CATSPER2: variants seen among roughly 807,000 people sequenced by gnomAD.
CATSPER2 encodes the protein cation channel sperm associated 2.
Under a neutral mutation model 68.8 loss-of-function variants are expected in CATSPER2, and 56 were observed. The ratio of observed to expected loss-of-function variants is 0.81; its 90% CI spans 0.66 to 1.02. The LOEUF (loss-of-function observed/expected upper bound fraction) is 1.02, where lower values mean the gene tolerates loss of function less well. CATSPER2 is among the 50% of genes least tolerant of loss of function. The pLI, the probability that CATSPER2 is intolerant of heterozygous loss-of-function variation, is 0.00. For missense variants in CATSPER2, 582 were observed against 642.0 expected (o/e 0.91, Z 1.01); for synonymous variants, 198 against 229.9 (o/e 0.86, Z 1.26).
chr15:43,636,625 A>T (rs750017601), intron 7 of CATSPER2, among the ~76,000 whole-genome samples: 3 of 151,710 alleles, frequency 2.0e-5, no homozygotes, highest in African/African-American at 7.3e-5. Context: ...TCCTGACCTA[A>T]GGTGATCTGC....
intron 11 of CATSPER2, 161 bp from the exon 12 acceptor site, chr15:43,632,524 A>G (rs2085892929): frequency 1.4e-6 from 2 of 1,417,004 alleles, no homozygotes; most frequent in Admixed American, 1.8e-5. Flanking sequence ...TACAACGAGC[A>G]AAGAGGGCCA....
Position 43,632,256 on chromosome 15 carries a change from A to C in CATSPER2, c.1504T>G (p.Leu502Val). Residue 502 changes from leucine (L) to valine (V), a missense_variant, in exon 12 of 13, where the codon TTG becomes GTG. Coordinates refer to ENST00000396879, the MANE Select transcript of CATSPER2 (RefSeq NM_172095.4). ...PRDSLFRYFE[L>V]LEKLQYNLEE... Reference sequence around the variant, plus strand: ...AGGTTATACTGAAGCTTTTCTAGCAACTCAAAATATCGGAAGAGTGAGTCT... The same window carrying C: ...AGGTTATACTGAAGCTTTTCTAGCACCTCAAAATATCGGAAGAGTGAGTCT... The C allele has an allele frequency of 6.2e-7, 1 of 1,613,672 alleles. No individual in the cohort carries two copies. The highest frequency in any genetic ancestry group is 8.5e-7 in the Non-Finnish European group (1 of 1,179,800).
At chr15:43,636,461 G>C (rs983028294) in intron 7 of CATSPER2, among the ~76,000 whole-genome samples, 1 of 151,748 alleles carries the variant, frequency 6.6e-6, no homozygotes, top group African/African-American at 2.4e-5. Context: ...CGCGATCTAG[G>C]CTCACTGCAA....
chr15:43,642,201 G>C (rs1256235563), intron 4 of CATSPER2, among the ~76,000 whole-genome samples: 4 of 151,562 alleles, frequency 2.6e-5, no homozygotes, highest in African/African-American at 9.7e-5. Flanking sequence ...CTGGGTTCAA[G>C]CGATTCTCCT....
intron 7 of CATSPER2, among the ~76,000 whole-genome samples, chr15:43,636,453 C>T (rs559814764): frequency 2.7e-4 from 41 of 151,804 alleles, no homozygotes; most frequent in African/African-American, 8.7e-4. Context: ...TGCAGTGGCG[C>T]GATCTAGGCT....
chr15:43,636,263 C>T (rs917485391), intron 7 of CATSPER2, 44 bp from the exon 8 acceptor site: 1 of 1,607,240 alleles, frequency 6.2e-7, no homozygotes, highest in Non-Finnish European at 8.5e-7. Flanking sequence ...GAGACCTAAA[C>T]CTTTCAAAAA....
Position 43,647,531 on chromosome 15 carries a change from G to C in CATSPER2, c.146-64C>G. ...AACAAAATAGACCAGGTAGGGTTGG[G>C]GGCAGGGATACTGGTCAGGTAATGG... is the stretch of plus-strand genomic sequence containing the variant. On this transcript the variant is annotated intron_variant, in intron 2 of 12. Coordinates refer to ENST00000396879, the MANE Select transcript of CATSPER2 (RefSeq NM_172095.4). 2.0e-6 allele frequency: 3 copies of C among 1,499,254 alleles called. 1 individual carries two copies. The highest frequency in any genetic ancestry group is 2.3e-5 in the South Asian group (2 of 88,374). The allele number at this position is 1,499,254 out of a possible 1,614,324, so 92.9% of individuals were successfully genotyped here. A position where few individuals can be genotyped will look rare whatever the true frequency, so the allele number is the denominator to read the frequency against.
intron 10 of CATSPER2, 62 bp downstream of exon 10, chr15:43,635,298 T>C: frequency 7.1e-7 from 1 of 1,408,706 alleles, no homozygotes; most frequent in Non-Finnish European, 1.0e-6. Flanking sequence ...ATCTTCATCT[T>C]TAGTTTTCCA....
At chr15:43,640,166 C>T (rs2086047131) in intron 5 of CATSPER2, 158 bp downstream of exon 5, 1 of 1,539,534 alleles carries the variant, frequency 6.5e-7, no homozygotes. Context: ...ACCAACAACT[C>T]CTGCAATGAT....
At chr15:43,639,975 A>C in intron 5 of CATSPER2, 177 bp from the exon 6 acceptor site, 1 of 1,468,788 alleles carries the variant, frequency 6.8e-7, no homozygotes, top group Non-Finnish European at 9.1e-7. Context: ...CTATACTTAA[A>C]CTTGTTCAGA....
intron 1 of CATSPER2, 101 bp downstream of exon 1, chr15:43,648,528 G>C: frequency 1.7e-6 from 2 of 1,178,290 alleles, no homozygotes; most frequent in Non-Finnish European, 2.2e-6. Flanking sequence ...AAATGCCAAA[G>C]CCTGACATTT....
In CATSPER2 at chr15:43,647,124, G is replaced by A; in HGVS notation, c.320-6C>T. 1 of 1,608,218 alleles carries A rather than the reference G, an allele frequency of 6.2e-7. No homozygotes were observed. Among genetic ancestry groups the A allele is most frequent in the African/African-American group, 1.3e-5 (1 of 74,874 alleles). On this transcript the variant is annotated splice_region_variant and splice_polypyrimidine_tract_variant and intron_variant, in intron 3 of 12. Coordinates refer to ENST00000396879, the MANE Select transcript of CATSPER2 (RefSeq NM_172095.4). Reference sequence around the variant, plus strand: ...GAAGTTTTTGAAGAGAGGACCTGTTGTCTCTTAAGGAAATGTACAGAGTGG... The same window carrying A: ...GAAGTTTTTGAAGAGAGGACCTGTTATCTCTTAAGGAAATGTACAGAGTGG...
At chr15:43,642,576 C>G (rs1164654575) in intron 4 of CATSPER2, 2 of 125,820 alleles carry the variant, frequency 1.6e-5, no homozygotes, top group African/African-American at 6.2e-5. Flanking sequence ...AAATAGAATG[C>G]TATAATTTTT....
intron 4 of CATSPER2, among the ~76,000 whole-genome samples, chr15:43,644,956 CGAG>C (rs989849963): frequency 6.6e-6 from 1 of 151,966 alleles, no homozygotes; most frequent in African/African-American, 2.4e-5. Flanking sequence ...TTCACCATTA[CGAG>C]GAGGAAATAA....
At chr15:43,636,959 AT>A (rs1421406558) in intron 7 of CATSPER2, among the ~76,000 whole-genome samples, 1 of 151,002 alleles carries the variant, frequency 6.6e-6, no homozygotes, top group Non-Finnish European at 1.5e-5. Flanking sequence ...AGTAGTTGGG[AT>A]TACAGGCATG....
chr15:43,646,029 T>C (rs1270722991), intron 4 of CATSPER2, among the ~76,000 whole-genome samples: 2 of 151,996 alleles, frequency 1.3e-5, no homozygotes, highest in Non-Finnish European at 2.9e-5. Context: ...CCATACTTTG[T>C]GAGCTTTCTT....
upstream of CATSPER2, chr15:43,648,856 C>G: frequency 6.6e-7 from 1 of 1,524,284 alleles, no homozygotes; most frequent in South Asian, 1.2e-5. Context: ...CTCGCCCAGC[C>G]ACTCGCCGCC....
chr15:43,647,507 A>T, intron 2 of CATSPER2, 40 bp from the exon 3 acceptor site: 1 of 1,587,856 alleles, frequency 6.3e-7, no homozygotes, highest in East Asian at 2.2e-5. Flanking sequence ...ATAAATACAA[A>T]CAAAATAGAC....
intron 7 of CATSPER2, among the ~76,000 whole-genome samples, chr15:43,637,441 A>G (rs1303793790): frequency 6.6e-6 from 1 of 151,890 alleles, no homozygotes; most frequent in African/African-American, 2.4e-5. Flanking sequence ...ATTTATCGAA[A>G]ACATGAGAGC....
Sources: gnomAD v4.1 joint callset for allele counts (sites outside exome capture counted in the v4.1 genomes callset) on GRCh38, gnomAD v4.1.1 for gene constraint, MANE v1.5 for transcripts, NCBI Gene and HGNC (gene_info 2026-07-23, HGNC 2026-07-21) for gene names.